Variants in LRRC4C observed in about 807,000 individuals in gnomAD.
The protein encoded by LRRC4C is leucine rich repeat containing 4C, also known as leucine-rich repeat-containing protein 4C.
A neutral mutation model predicts 33.6 loss-of-function variants in LRRC4C; 5 were observed. The ratio of observed to expected loss-of-function variants is 0.15; its 90% CI spans 0.08 to 0.31. The LOEUF (loss-of-function observed/expected upper bound fraction) is 0.31, where lower values mean the gene tolerates loss of function less well. Among genes scored for constraint, LRRC4C ranks in the 10% least tolerant of loss-of-function variants. The probability of loss-of-function intolerance (pLI) is 1.00; values close to 1 mark genes in which losing one functional copy is unlikely to be tolerated. For missense variants in LRRC4C, 560 were observed against 796.7 expected (o/e 0.70, Z 3.58); for synonymous variants, 329 against 302.0 (o/e 1.09, Z -0.93).
chr11:41,298,333 C>T (rs572638897), intron 1 of LRRC4C, among the ~76,000 whole-genome samples: 1 of 152,098 alleles, frequency 6.6e-6, no homozygotes, highest in Non-Finnish European at 1.5e-5. Context: ...AAGTCATGCT[C>T]TCCTGGGACT....
intron 3 of LRRC4C, among the ~76,000 whole-genome samples, chr11:40,548,658 G>C (rs11035915): frequency 0.2 from 30,612 of 152,012 alleles, 3,661 homozygotes; most frequent in African/African-American, 0.33. Flanking sequence ...AAAGACCCAT[G>C]CTTGACATGC....
At chr11:40,231,228 C>A (rs751966381) in intron 5 of LRRC4C, among the ~76,000 whole-genome samples, 1 of 152,074 alleles carries the variant, frequency 6.6e-6, no homozygotes, top group Non-Finnish European at 1.5e-5. Flanking sequence ...AAAAAACAAA[C>A]GAACTTCACG....
chr11:40,342,421 A>G (rs1009377539), intron 3 of LRRC4C, among the ~76,000 whole-genome samples: 1 of 152,172 alleles, frequency 6.6e-6, no homozygotes, highest in Admixed American at 6.5e-5. Flanking sequence ...GTGAGCCGAG[A>G]TGGCACCACT....
At chr11:40,291,605 C>T (rs550741358) in intron 4 of LRRC4C, among the ~76,000 whole-genome samples, 34 of 152,238 alleles carry the variant, frequency 2.2e-4, no homozygotes, top group African/African-American at 8.2e-4. Context: ...CACATCTGGG[C>T]ATATGTATGC....
chr11:40,357,638 A>C (rs1947733256), intron 3 of LRRC4C, among the ~76,000 whole-genome samples: 1 of 152,062 alleles, frequency 6.6e-6, no homozygotes, highest in Non-Finnish European at 1.5e-5. Flanking sequence ...GACACTCTTA[A>C]CAAATGTATG....
chr11:40,435,132 C>A (rs1225138717), intron 3 of LRRC4C, among the ~76,000 whole-genome samples: 5 of 152,136 alleles, frequency 3.3e-5, no homozygotes, highest in Admixed American at 1.3e-4. Flanking sequence ...TATGTTGCAA[C>A]AAAATGGCCA....
At chr11:40,438,002 G>T (rs79099029) in intron 3 of LRRC4C, among the ~76,000 whole-genome samples, 1,722 of 152,270 alleles carry the variant, frequency 0.011, 12 homozygotes, top group South Asian at 0.023. Context: ...GCTCAGCCAG[G>T]CCATGACTAT....
At chr11:40,750,543 C>G (rs575482482) in intron 2 of LRRC4C, among the ~76,000 whole-genome samples, 1 of 151,030 alleles carries the variant, frequency 6.6e-6, no homozygotes, top group South Asian at 2.1e-4. Context: ...TCTCAGCAAA[C>G]TATTGCAAGG....
chr11:40,572,688 C>A (rs1295652944), intron 3 of LRRC4C, among the ~76,000 whole-genome samples: 1 of 152,150 alleles, frequency 6.6e-6, no homozygotes, highest in Non-Finnish European at 1.5e-5. Context: ...CAACACTCAG[C>A]CTCTTCCACA....
At chr11:41,172,616 T>A (rs1369393224) in intron 1 of LRRC4C, among the ~76,000 whole-genome samples, 1 of 152,140 alleles carries the variant, frequency 6.6e-6, no homozygotes, top group Admixed American at 6.6e-5. Flanking sequence ...CACCATTAAT[T>A]TTTCATTCAT....
chr11:41,322,926 A>G lies in LRRC4C; in HGVS notation c.-496+136505T>C, dbSNP rs80079830. On this transcript the variant is annotated intron_variant, in intron 1 of 6. Transcript: ENST00000528697. Reference sequence around the variant, plus strand: ...TATATACACACATGCACACACACACATTATTTATTCAAATGCATTAACCAA... The same window carrying G: ...TATATACACACATGCACACACACACGTTATTTATTCAAATGCATTAACCAA... Among the ~76,000 whole-genome samples the G allele has an allele frequency of 8.4e-3, 1,276 of 152,276 alleles. 24 individuals carry two copies. Among genetic ancestry groups the G allele is most frequent in the African/African-American group, 0.029 (1,204 of 41,542 alleles).
intron 5 of LRRC4C, among the ~76,000 whole-genome samples, chr11:40,191,115 T>C (rs1406286717): frequency 6.6e-6 from 1 of 152,100 alleles, no homozygotes; most frequent in Non-Finnish European, 1.5e-5. Flanking sequence ...GTATTTAATT[T>C]TACAAATGAG....
At chr11:40,903,984 A>G (rs1297504253) in intron 2 of LRRC4C, among the ~76,000 whole-genome samples, 14 of 152,114 alleles carry the variant, frequency 9.2e-5, no homozygotes, top group Admixed American at 9.2e-4. Flanking sequence ...CCAGTGGCAG[A>G]AGTAACTGCA....
At chr11:41,206,968 CTA>C (rs1364240235) in intron 1 of LRRC4C, among the ~76,000 whole-genome samples, 1 of 151,928 alleles carries the variant, frequency 6.6e-6, no homozygotes, top group South Asian at 2.1e-4. Flanking sequence ...ATGCTATACA[CTA>C]TATATATATT....
intron 1 of LRRC4C, among the ~76,000 whole-genome samples, chr11:40,980,469 T>A (rs952354236): frequency 6.6e-6 from 1 of 152,174 alleles, no homozygotes; most frequent in African/African-American, 2.4e-5. Flanking sequence ...GAAGAGAAAT[T>A]GAGACCTCCT....
chr11:41,380,517 T>C (rs1023545522), intron 1 of LRRC4C, among the ~76,000 whole-genome samples: 1 of 151,980 alleles, frequency 6.6e-6, no homozygotes, highest in Non-Finnish European at 1.5e-5. Context: ...ACTGGGGAAG[T>C]TTGTAGAAAA....
intron 2 of LRRC4C, among the ~76,000 whole-genome samples, chr11:40,738,690 A>G (rs2136878985): frequency 6.6e-6 from 1 of 152,236 alleles, no homozygotes; most frequent in African/African-American, 2.4e-5. Flanking sequence ...CTTCACATAT[A>G]CAGAATGGAT....
At chr11:40,525,104 G>C (rs1241934335) in intron 3 of LRRC4C, among the ~76,000 whole-genome samples, 1 of 152,048 alleles carries the variant, frequency 6.6e-6, no homozygotes, top group Non-Finnish European at 1.5e-5. Context: ...GATAAATGAG[G>C]GAATGAAAGA....
chr11:41,066,647 T>C (rs1468768473), intron 1 of LRRC4C, among the ~76,000 whole-genome samples: 1 of 152,064 alleles, frequency 6.6e-6, no homozygotes, highest in Admixed American at 6.6e-5. Flanking sequence ...GGAAAAAATG[T>C]TAATGGCAGC....
Sources: gnomAD v4.1 joint callset for allele counts (sites outside exome capture counted in the v4.1 genomes callset) on GRCh38, gnomAD v4.1.1 for gene constraint, MANE v1.5 for transcripts, NCBI Gene and HGNC (gene_info 2026-07-23, HGNC 2026-07-21) for gene names.